Variants in NRXN3 observed in about 807,000 individuals in gnomAD.
NRXN3 encodes neurexin 3.
A neutral mutation model predicts 137.6 loss-of-function variants in NRXN3; 32 were observed. The observed-to-expected ratio is 0.23, with a 90% CI of 0.18 to 0.31. NRXN3 has a LOEUF of 0.31. NRXN3 is among the 10% of genes least tolerant of loss of function. The pLI is 1.00. For synonymous variants in NRXN3, 798 were observed against 784.5 expected, an observed-to-expected ratio of 1.02 and a Z score of -0.29; for missense variants, 1,574 against 2,062.5, an observed-to-expected ratio of 0.76 and a Z score of 4.59.
intron 15 of NRXN3, among the ~76,000 whole-genome samples, chr14:79,022,500 A>G (rs969924059): frequency 3.9e-5 from 6 of 152,198 alleles, no homozygotes; most frequent in African/African-American, 1.2e-4. Flanking sequence ...CAAGATTTCT[A>G]GTGTCATATT....
chr14:78,469,051 A>G (rs974805328), intron 4 of NRXN3, among the ~76,000 whole-genome samples: 2 of 151,972 alleles, frequency 1.3e-5, no homozygotes, highest in African/African-American at 4.8e-5. Flanking sequence ...GCAAAGTGGG[A>G]CTCTTCCCAC....
chr14:78,589,410 T>C (rs1430903783), intron 4 of NRXN3, among the ~76,000 whole-genome samples: 1 of 152,144 alleles, frequency 6.6e-6, no homozygotes. Context: ...ACATGAAGCT[T>C]CTGGAAGGGC....
At chr14:79,322,367 G>T (rs528261628) in intron 15 of NRXN3, among the ~76,000 whole-genome samples, 5 of 152,012 alleles carry the variant, frequency 3.3e-5, no homozygotes, top group African/African-American at 1.2e-4. Context: ...AGGCTTGACC[G>T]CATTTACGGA....
intron 10 of NRXN3, among the ~76,000 whole-genome samples, chr14:78,823,824 T>C (rs576333335): frequency 4.3e-4 from 65 of 151,946 alleles, no homozygotes; most frequent in African/African-American, 1.4e-3. Flanking sequence ...TGCCTCTTCA[T>C]GGGTTACACG....
chr14:79,168,019 G>A (rs2061436344), intron 15 of NRXN3, among the ~76,000 whole-genome samples: 1 of 149,928 alleles, frequency 6.7e-6, no homozygotes, highest in Middle Eastern at 3.5e-3. Flanking sequence ...ATCTATCTGA[G>A]CTGAAACAGA....
chr14:78,299,775 A>G (rs1261834523), intron 4 of NRXN3, among the ~76,000 whole-genome samples: 1 of 152,216 alleles, frequency 6.6e-6, no homozygotes, highest in Non-Finnish European at 1.5e-5. Flanking sequence ...TTCAGATACA[A>G]CCATGCTCCG....
chr14:79,268,434 C>A (rs2078770473), intron 15 of NRXN3, among the ~76,000 whole-genome samples: 1 of 152,176 alleles, frequency 6.6e-6, no homozygotes, highest in African/African-American at 2.4e-5. Context: ...CTCTAGGTCA[C>A]CTCCAGATCC....
intron 19 of NRXN3, among the ~76,000 whole-genome samples, chr14:79,761,684 C>CAA (rs10599873): frequency 0.024 from 1,889 of 78,446 alleles, 141 homozygotes; most frequent in African/African-American, 0.086. Flanking sequence ...GACTCTGTCT[C>CAA]AAAAAAAAAA....
chr14:78,447,602 G>A (rs1206702873), intron 4 of NRXN3, among the ~76,000 whole-genome samples: 2 of 152,166 alleles, frequency 1.3e-5, no homozygotes, highest in African/African-American at 4.8e-5. Context: ...AGCCCCAAAG[G>A]GGAGACCCAC....
At chr14:78,227,217 A>C (rs887830216) in intron 1 of NRXN3, among the ~76,000 whole-genome samples, 2 of 152,236 alleles carry the variant, frequency 1.3e-5, no homozygotes, top group Non-Finnish European at 2.9e-5. Context: ...TCAGTGTGAT[A>C]TATGACAGAA....
rs74738453 is a variant in NRXN3 at position 78,198,752 on chromosome 14, G to T, written c.-704+28078G>T. Among the ~76,000 whole-genome samples the T allele has an allele frequency of 1.2e-4, 18 of 152,352 alleles. 1 individual carries two copies. The East Asian group carries it at 3.5e-3, about 29-fold the overall frequency. ...TCTTCTTTGAGGTGTCCAGCACTTA[G>T]ATGACACCAATGGAACAGAATTTTC... On this transcript the variant is annotated intron_variant, in intron 1 of 20. Transcript: ENST00000335750.
At chr14:79,057,739 G>T (rs957053383) in intron 15 of NRXN3, among the ~76,000 whole-genome samples, 2 of 152,178 alleles carry the variant, frequency 1.3e-5, no homozygotes, top group African/African-American at 4.8e-5. Flanking sequence ...GAGTTGGCAA[G>T]AATCCAGTTT....
chr14:79,784,047 T>C (rs1165900873), intron 19 of NRXN3, among the ~76,000 whole-genome samples: 1 of 152,174 alleles, frequency 6.6e-6, no homozygotes, highest in African/African-American at 2.4e-5. Context: ...TTCAAATATA[T>C]TGTCTTATGT....
At chr14:79,652,676 CT>C (rs2098482767) in intron 16 of NRXN3, among the ~76,000 whole-genome samples, 1 of 152,070 alleles carries the variant, frequency 6.6e-6, no homozygotes, top group South Asian at 2.1e-4. Context: ...AGTCAGCTCC[CT>C]GTGACATGTT....
intron 15 of NRXN3, among the ~76,000 whole-genome samples, chr14:79,409,404 G>A (rs1383631715): frequency 2.0e-5 from 3 of 150,250 alleles, no homozygotes; most frequent in African/African-American, 4.9e-5. Flanking sequence ...TATACATTAT[G>A]TATATACATA....
chr14:78,518,829 C>T lies in NRXN3; in HGVS notation c.758-126291C>T, dbSNP rs146156439. Reference sequence around the variant, plus strand: ...TCCTACACCAAAGCATACCCCAGAACAAAGAACTACTCGTTCTGGAGGTGA... The same window carrying T: ...TCCTACACCAAAGCATACCCCAGAATAAAGAACTACTCGTTCTGGAGGTGA... On this transcript the variant is annotated intron_variant, in intron 4 of 20. Transcript: ENST00000335750. Among the ~76,000 whole-genome samples, 235 of 152,158 alleles carry T rather than the reference C, an allele frequency of 1.5e-3. 1 individual carries two copies. The highest frequency in any genetic ancestry group is 2.7e-3 in the Non-Finnish European group (186 of 67,986).
At chr14:78,945,338 T>C (rs1420841659) in intron 10 of NRXN3, among the ~76,000 whole-genome samples, 1 of 152,234 alleles carries the variant, frequency 6.6e-6, no homozygotes, top group African/African-American at 2.4e-5. Context: ...TCTCATTTTA[T>C]CTGGCCTTAT....
intron 4 of NRXN3, among the ~76,000 whole-genome samples, chr14:78,375,742 G>A (rs945021893): frequency 1.3e-5 from 2 of 152,200 alleles, no homozygotes; most frequent in African/African-American, 4.8e-5. Flanking sequence ...ATCTTTCCAA[G>A]TAAGTGGCAT....
At chr14:78,895,288 G>A (rs747311396) in intron 10 of NRXN3, among the ~76,000 whole-genome samples, 10 of 151,840 alleles carry the variant, frequency 6.6e-5, no homozygotes, top group Non-Finnish European at 1.5e-4. Flanking sequence ...TTGCTGCAGC[G>A]TCTACATAAG....
Sources: gnomAD v4.1 joint callset for allele counts (sites outside exome capture counted in the v4.1 genomes callset) on GRCh38, gnomAD v4.1.1 for gene constraint, MANE v1.5 for transcripts, NCBI Gene and HGNC (gene_info 2026-07-23, HGNC 2026-07-21) for gene names.